Variants in DPYD observed in about 807,000 individuals in gnomAD.
The protein encoded by DPYD is dihydropyrimidine dehydrogenase [NADP(+)].
Under a neutral mutation model 116.2 loss-of-function variants are expected in DPYD, and 109 were observed. That is an observed-to-expected ratio of 0.94 (90% CI 0.80 to 1.10). The LOEUF (loss-of-function observed/expected upper bound fraction) is 1.10, where lower values mean the gene tolerates loss of function less well. Among genes scored for constraint, DPYD ranks in the 50% least tolerant of loss-of-function variants. DPYD has a pLI of 0.00. For missense variants in DPYD, 1,302 were observed against 1,254.5 expected (o/e 1.04, Z -0.57); for synonymous variants, 440 against 432.0 (o/e 1.02, Z -0.23).
chr1:97,388,257 T>A (rs1672473843), intron 14 of DPYD, among the ~76,000 whole-genome samples: 1 of 152,098 alleles, frequency 6.6e-6, no homozygotes, highest in African/African-American at 2.4e-5. Context: ...AATTTTAATA[T>A]TTTATATTTA....
intron 3 of DPYD, among the ~76,000 whole-genome samples, chr1:97,824,334 T>C (rs1364241683): frequency 6.6e-6 from 1 of 152,204 alleles, no homozygotes; most frequent in Non-Finnish European, 1.5e-5. Context: ...ATGGTTTAGC[T>C]TCACTCTGGC....
intron 8 of DPYD, among the ~76,000 whole-genome samples, chr1:97,629,951 G>C (rs539383284): frequency 6.6e-6 from 1 of 152,020 alleles, no homozygotes; most frequent in East Asian, 1.9e-4. Flanking sequence ...TGTATAAATA[G>C]AATCATAAAG....
chr1:97,877,997 A>G (rs1000700622), intron 2 of DPYD, among the ~76,000 whole-genome samples: 4 of 152,006 alleles, frequency 2.6e-5, no homozygotes, highest in African/African-American at 9.7e-5. Flanking sequence ...TAAAAATTAA[A>G]CGTATTTGGA....
At chr1:97,671,057 A>G (rs1027719691) in intron 8 of DPYD, among the ~76,000 whole-genome samples, 1 of 152,090 alleles carries the variant, frequency 6.6e-6, no homozygotes, top group African/African-American at 2.4e-5. Context: ...TTAAAATATA[A>G]TTTGTGTTTT....
intron 8 of DPYD, among the ~76,000 whole-genome samples, chr1:97,631,464 T>C (rs548165408): frequency 6.6e-6 from 1 of 152,188 alleles, no homozygotes; most frequent in South Asian, 2.1e-4. Flanking sequence ...GTGGTCATTC[T>C]AGCAAGTAGC....
At chr1:97,727,567 T>A (rs1393874224) in intron 4 of DPYD, among the ~76,000 whole-genome samples, 1 of 151,728 alleles carries the variant, frequency 6.6e-6, no homozygotes, top group Non-Finnish European at 1.5e-5. Context: ...TACACAATGA[T>A]GCCTAGAAAG....
chr1:97,709,576 T>G (rs541313123), intron 5 of DPYD, among the ~76,000 whole-genome samples: 1 of 151,946 alleles, frequency 6.6e-6, no homozygotes, highest in East Asian at 1.9e-4. Flanking sequence ...ATTTTCTCCA[T>G]AATTTTCACA....
chr1:97,564,273 C>T (rs185926591), intron 11 of DPYD, among the ~76,000 whole-genome samples: 9 of 152,236 alleles, frequency 5.9e-5, no homozygotes, highest in Non-Finnish European at 1.3e-4. Context: ...TCATAACCTC[C>T]TTAAAATATT....
intron 12 of DPYD, 75 bp downstream of exon 12, chr1:97,549,485 T>A (rs1247124183): frequency 1.4e-6 from 2 of 1,471,354 alleles, no homozygotes; most frequent in Non-Finnish European, 1.9e-6. Context: ...AATGCTCTTA[T>A]AGATGAGTAT....
At chr1:97,159,118 A>G (rs1449203670) in intron 20 of DPYD, among the ~76,000 whole-genome samples, 1 of 152,152 alleles carries the variant, frequency 6.6e-6, no homozygotes, top group East Asian at 1.9e-4. Context: ...GATGATCCAG[A>G]TATTAGAATT....
intron 20 of DPYD, among the ~76,000 whole-genome samples, chr1:97,135,226 T>C (rs886795295): frequency 1.3e-5 from 2 of 152,174 alleles, no homozygotes; most frequent in East Asian, 1.9e-4. Context: ...AAAGACACTT[T>C]TGTATTTTTC....
chr1:97,693,319 C>G (rs796115145), intron 6 of DPYD, among the ~76,000 whole-genome samples: 1,627 of 112,158 alleles, frequency 0.015, 46 homozygotes, highest in African/African-American at 0.05. Context: ...AAAAAAAAAC[C>G]AAAAAAGAAA....
intron 3 of DPYD, among the ~76,000 whole-genome samples, chr1:97,798,611 A>G (rs1667700071): frequency 6.6e-6 from 1 of 152,102 alleles, no homozygotes; most frequent in South Asian, 2.1e-4. Context: ...ATATTTGTCC[A>G]TGTACGTACA....
At chr1:97,681,164 A>G (rs1394921884) in intron 7 of DPYD, among the ~76,000 whole-genome samples, 3 of 152,152 alleles carry the variant, frequency 2.0e-5, no homozygotes, top group Non-Finnish European at 4.4e-5. Flanking sequence ...ATGATACTAA[A>G]GGACAAGAGA....
intron 10 of DPYD, among the ~76,000 whole-genome samples, chr1:97,586,453 AATAC>A (rs774026722): frequency 2.4e-4 from 20 of 82,114 alleles, no homozygotes; most frequent in African/African-American, 2.9e-4. Flanking sequence ...TATCTGTGAA[AATAC>A]ATACATACAT....
chr1:97,288,884 T>C (rs1362271595), intron 18 of DPYD, among the ~76,000 whole-genome samples: 3 of 151,790 alleles, frequency 2.0e-5, no homozygotes, highest in Non-Finnish European at 4.4e-5. Flanking sequence ...TTCAAAAAAT[T>C]AATGAATCCA....
intron 20 of DPYD, among the ~76,000 whole-genome samples, chr1:97,182,977 G>A (rs917048597): frequency 6.6e-6 from 1 of 152,048 alleles, no homozygotes; most frequent in Admixed American, 6.6e-5. Flanking sequence ...CTCCCAATCT[G>A]TGACTTGAGT....
chr1:97,312,079 T>C (rs1667554944), intron 16 of DPYD, among the ~76,000 whole-genome samples: 1 of 151,802 alleles, frequency 6.6e-6, no homozygotes. Context: ...TATATGTGTG[T>C]GTGTAGGTAT....
intron 8 of DPYD, among the ~76,000 whole-genome samples, chr1:97,641,370 A>G (rs1657889981): frequency 6.6e-6 from 1 of 152,172 alleles, no homozygotes; most frequent in African/African-American, 2.4e-5. Flanking sequence ...ACAAAAAGTG[A>G]CAGATCAGAT....
Sources: allele counts gnomAD v4.1 joint callset (sites outside exome capture counted in the v4.1 genomes callset), GRCh38; gene constraint gnomAD v4.1.1; transcripts MANE v1.5; gene names NCBI Gene and HGNC (gene_info 2026-07-23, HGNC 2026-07-21).